HMCN1: variants seen among roughly 807,000 people sequenced by gnomAD.
The protein encoded by HMCN1 is hemicentin 1.
HMCN1 carries 321 observed loss-of-function variants against 625.9 expected under a neutral mutation model. That is an observed-to-expected ratio of 0.51 (90% CI 0.47 to 0.56). The LOEUF (loss-of-function observed/expected upper bound fraction) is 0.56, where lower values mean the gene tolerates loss of function less well. HMCN1 is among the 20% of genes least tolerant of loss of function. HMCN1 has a pLI of 0.00. For synonymous variants in HMCN1, 2,425 were observed against 2,417.6 expected, an observed-to-expected ratio of 1.00 and a Z score of -0.09; for missense variants, 6,588 against 6,887.3, an observed-to-expected ratio of 0.96 and a Z score of 1.54.
chr1:186,171,597 A>G, intron 101 of HMCN1, 147 bp downstream of exon 101: 1 of 640,076 alleles, frequency 1.6e-6, no homozygotes, highest in Non-Finnish European at 2.7e-6. Flanking sequence ...CAAAACCAAA[A>G]TGACAAAAAA....
intron 89 of HMCN1, 61 bp downstream of exon 89, chr1:186,138,033 G>T: frequency 1.3e-6 from 2 of 1,569,668 alleles, no homozygotes; most frequent in Non-Finnish European, 1.7e-6. Flanking sequence ...CCCTATGAAA[G>T]AATTACATTT....
In HMCN1 at chr1:186,123,067, G is replaced by A. The variant is rs747104381; in HGVS notation, c.12346G>A (p.Gly4116Arg). 1.2e-6 allele frequency: 2 copies of A among 1,614,124 alleles called. No homozygotes were observed. The highest frequency in any genetic ancestry group is 2.2e-5 in the East Asian group (1 of 44,888). The change falls in exon 81 of 107, where the codon GGG becomes AGG. Residue 4116 changes from glycine (G) to arginine (R), a missense_variant. By Grantham distance (125) the Gly-to-Arg change is moderately radical (BLOSUM62 -2). Transcript: ENST00000271588. ...GCCTGACATTACATGGCATAAAGATGGGCGTGCAATTGTGGAATCTATCCG... is the reference window on the plus strand; with the variant it reads ...GCCTGACATTACATGGCATAAAGATAGGCGTGCAATTGTGGAATCTATCCG... The part of the protein sequence containing the change: ...PPPDITWHKD[G>R]RAIVESIRQR...
intron 35 of HMCN1, among the ~76,000 whole-genome samples, chr1:186,020,633 A>G (rs1416360386): frequency 6.6e-6 from 1 of 152,124 alleles, no homozygotes; most frequent in Non-Finnish European, 1.5e-5. Flanking sequence ...TAGAGGTGTA[A>G]GAACATATAA....
intron 81 of HMCN1, among the ~76,000 whole-genome samples, chr1:186,125,336 C>G (rs988660705): frequency 3.9e-4 from 59 of 152,022 alleles, no homozygotes; most frequent in African/African-American, 1.4e-3. Context: ...CAAATAAAAT[C>G]TAAAGATCTT....
In HMCN1 at chr1:186,120,121, G is replaced by A. The variant is rs1373184531; in HGVS notation, c.12205G>A (p.Gly4069Ser). The change falls in exon 80 of 107, where the codon GGC (glycine) becomes AGC (serine). Residue 4069 changes from glycine (G) to serine (S), a missense_variant. Physicochemically the swap from Gly to Ser is moderately conservative, Grantham distance 56. Around this residue, in one of 3 missense-constraint regions of HMCN1, gnomAD observed 1,954 missense variants for 2,013.1 expected, o/e 0.97. Transcript: ENST00000271588. ...CCAGAACCCGGCTGGTACAGCCTTG[G>A]GCAAAATCAAGTTAAATGTCCAAGG... is the stretch of plus-strand genomic sequence containing the variant. ...VAQNPAGTAL[G>S]KIKLNVQVPP... 3 of 1,613,614 alleles carry A rather than the reference G, an allele frequency of 1.9e-6. No homozygotes were observed. The highest frequency in any genetic ancestry group is 2.5e-6 in the Non-Finnish European group (3 of 1,179,878).
At chr1:185,765,714 A>G (rs111997573) in intron 1 of HMCN1, among the ~76,000 whole-genome samples, 2,316 of 152,282 alleles carry the variant, frequency 0.015, 34 homozygotes, top group South Asian at 0.03. Flanking sequence ...CAGTAGGGCA[A>G]TGGTTCTCAA....
At chr1:185,919,683 T>C (rs1291057259) in intron 6 of HMCN1, among the ~76,000 whole-genome samples, 1 of 152,160 alleles carries the variant, frequency 6.6e-6, no homozygotes, top group Non-Finnish European at 1.5e-5. Context: ...GAGATCATCA[T>C]GAGAAACGCG....
intron 36 of HMCN1, among the ~76,000 whole-genome samples, chr1:186,029,990 G>A (rs558953655): frequency 2.6e-5 from 4 of 152,034 alleles, no homozygotes; most frequent in Non-Finnish European, 5.9e-5. Flanking sequence ...ATTTAGGACT[G>A]TGTTACTTCA....
intron 44 of HMCN1, among the ~76,000 whole-genome samples, chr1:186,054,238 T>C (rs545853625): frequency 2.6e-5 from 4 of 152,084 alleles, no homozygotes; most frequent in Non-Finnish European, 4.4e-5. Flanking sequence ...TGTAATTTTG[T>C]TGGGGACAGA....
chr1:185,974,590 A>G (rs993048800), intron 15 of HMCN1, among the ~76,000 whole-genome samples: 1 of 152,112 alleles, frequency 6.6e-6, no homozygotes, highest in Non-Finnish European at 1.5e-5. Context: ...AGTTTCATTA[A>G]TGTATTTACC....
chr1:185,981,624 A>G (rs1178561703), intron 17 of HMCN1, among the ~76,000 whole-genome samples: 2 of 152,164 alleles, frequency 1.3e-5, no homozygotes, highest in African/African-American at 4.8e-5. Context: ...TGATTTTTAT[A>G]TCTGTCAGTA....
chr1:185,869,403 G>A (rs1663466926), intron 4 of HMCN1, among the ~76,000 whole-genome samples: 1 of 152,126 alleles, frequency 6.6e-6, no homozygotes, highest in Non-Finnish European at 1.5e-5. Context: ...ACAGAGTAGT[G>A]CCCAATAAAT....
At chr1:186,069,600 G>A (rs1658359386) in intron 50 of HMCN1, 63 bp from the exon 51 acceptor site, 3 of 976,090 alleles carry the variant, frequency 3.1e-6, no homozygotes, top group Non-Finnish European at 4.9e-6. Flanking sequence ...ACCCCTGATA[G>A]CCTGTGTGTA....
At chr1:185,908,242 G>A (rs1306851252) in intron 4 of HMCN1, among the ~76,000 whole-genome samples, 1 of 151,560 alleles carries the variant, frequency 6.6e-6, no homozygotes, top group Non-Finnish European at 1.5e-5. Flanking sequence ...AAAAAAAAAA[G>A]GGATACTTTT....
chr1:186,058,388 C>T (rs1029997944), intron 46 of HMCN1, among the ~76,000 whole-genome samples: 2 of 151,806 alleles, frequency 1.3e-5, no homozygotes, highest in South Asian at 4.1e-4. Flanking sequence ...AGCAAGAGAT[C>T]GTGTGCACTA....
intron 4 of HMCN1, among the ~76,000 whole-genome samples, chr1:185,875,510 A>G (rs944159315): frequency 9.2e-5 from 14 of 152,060 alleles, no homozygotes; most frequent in African/African-American, 3.1e-4. Context: ...TTCCTTAAGT[A>G]CAGGCCTTCT....
chr1:185,792,274 T>C (rs1210270597), intron 1 of HMCN1, among the ~76,000 whole-genome samples: 3 of 152,222 alleles, frequency 2.0e-5, no homozygotes, highest in Non-Finnish European at 4.4e-5. Flanking sequence ...CCACAAACTG[T>C]ATTCCCAATC....
chr1:186,036,247 C>T (rs557786660), intron 36 of HMCN1, among the ~76,000 whole-genome samples: 5 of 152,182 alleles, frequency 3.3e-5, no homozygotes, highest in African/African-American at 1.2e-4. Flanking sequence ...TTGTATTAGT[C>T]CATGTTCATG....
rs761388651 is a variant in HMCN1 at position 186,088,789 on chromosome 1, T to G, written c.9727+34T>G. 6.4e-6 allele frequency: 10 copies of G among 1,572,044 alleles called. No homozygotes were observed. The Admixed American group carries it at 7.0e-5, about 11-fold the overall frequency. On this transcript the variant is annotated intron_variant, in intron 63 of 106. Transcript: ENST00000271588. The stretch of plus-strand genomic sequence containing the variant: ...TGTCCACTATGATCTATCTTCAATT[T>G]CTTTGTTATTCCATTTATAGTACAA...
Sources: allele counts gnomAD v4.1 joint callset (sites outside exome capture counted in the v4.1 genomes callset), GRCh38; gene constraint gnomAD v4.1.1; regional missense constraint gnomAD v4.1.1; transcripts MANE v1.5; gene names NCBI Gene and HGNC (gene_info 2026-07-23, HGNC 2026-07-21).